BRWD1: variants seen among roughly 807,000 people sequenced by gnomAD.
The protein encoded by BRWD1 is bromodomain and WD repeat domain containing 1.
BRWD1 carries 82 observed loss-of-function variants against 251.2 expected under a neutral mutation model. That is an observed-to-expected ratio of 0.33 (90% confidence interval 0.27 to 0.39). The LOEUF is 0.39. Among genes scored for constraint, BRWD1 ranks in the 10% least tolerant of loss-of-function variants. The probability of loss-of-function intolerance (pLI) is 1.00; values close to 1 mark genes in which losing one functional copy is unlikely to be tolerated. For missense variants in BRWD1, 2,233 were observed against 2,711.6 expected, an observed-to-expected ratio of 0.82 and a Z score of 3.92; for synonymous variants, 918 against 902.8, an observed-to-expected ratio of 1.02 and a Z score of -0.30.
chr21:39,227,603 G>A (rs4816618), intron 27 of BRWD1, among the ~76,000 whole-genome samples: 71,946 of 151,796 alleles, frequency 0.47, 17,209 homozygotes, highest in Admixed American at 0.54. Context: ...AAATTACATT[G>A]AGGTAATTTT....
chr21:39,252,850 TAAAG>T (rs532010148), intron 19 of BRWD1, among the ~76,000 whole-genome samples: 236 of 152,350 alleles, frequency 1.5e-3, no homozygotes, highest in Non-Finnish European at 2.7e-3. Flanking sequence ...CATGGCTACT[TAAAG>T]TAAGTTCCTT....
chr21:39,264,540 G>C lies in BRWD1; in HGVS notation c.1805C>G (p.Thr602Ser). 1.9e-6 allele frequency: 3 copies of C among 1,613,308 alleles called. No individual in the cohort carries two copies. The highest frequency in any genetic ancestry group is 1.7e-6 in the Non-Finnish European group (2 of 1,179,774). The stretch of plus-strand genomic sequence containing the variant: ...GCCTGGTACTAATCTCTGATACTTG[G>C]TTGGATGAGGATTTCCATCTACATC... ...LVDVDGNPHP[T>S]KYQRLVPGRE... Residue 602 changes from threonine (T) to serine (S), a missense_variant, in exon 17 of 41, where the codon ACC becomes AGC. Transcript: ENST00000342449.
Position 39,312,906 on chromosome 21 carries a change from A to C in BRWD1, c.139-6T>G. The C allele has an allele frequency of 1.4e-6, 2 of 1,479,194 alleles. No individual in the cohort carries two copies. Among genetic ancestry groups the C allele is most frequent in the African/African-American group, 3.2e-5 (2 of 62,666 alleles). 91.6% of individuals were successfully genotyped at this position (1,479,194 alleles called of 1,614,324 possible). On this transcript the variant is annotated splice_polypyrimidine_tract_variant and splice_region_variant and intron_variant, in intron 3 of 40. Transcript: ENST00000342449. ...TCCAATCTCTTCGGCAACAACTGGA[A>C]AGACACGAAACGCACACGAGTGACC...
Position 39,238,530 on chromosome 21 carries a change from T to G in BRWD1, c.2525A>C (p.Glu842Ala), listed in dbSNP as rs762056540. The change falls in exon 22 of 41, where the codon GAG (glutamate) becomes GCG (alanine). Residue 842 changes from glutamate (E) to alanine (A), a missense_variant. Transcript: ENST00000342449. ...TTTTCTGTCACTTCTCCATTCATCC[T>G]CTTCTGAAGAACCAGAACCTTCACT... ...DQSEGSGSSEEDEWRSDRKSE... is the reference protein window; with the variant it reads ...DQSEGSGSSEADEWRSDRKSE... 1.2e-6 allele frequency: 2 copies of G among 1,613,770 alleles called. No individual in the cohort carries two copies. The highest frequency in any genetic ancestry group is 2.7e-5 in the African/African-American group (2 of 75,040).
At chr21:39,227,417 A>G (rs2033426852) in intron 27 of BRWD1, among the ~76,000 whole-genome samples, 1 of 152,056 alleles carries the variant, frequency 6.6e-6, no homozygotes, top group African/African-American at 2.4e-5. Flanking sequence ...TGCTATTACT[A>G]CCCAGCCTAA....
chr21:39,233,973 T>C (rs528400459), intron 23 of BRWD1, among the ~76,000 whole-genome samples: 9 of 152,278 alleles, frequency 5.9e-5, no homozygotes, highest in South Asian at 2.1e-4. Context: ...TGAGCCGAGA[T>C]TGCCCCACTG....
At chr21:39,317,500 A>T (rs534874925), upstream of BRWD1, among the ~76,000 whole-genome samples, 1 of 152,380 alleles carries the variant, frequency 6.6e-6, no homozygotes, top group East Asian at 1.9e-4. Context: ...CCAAGGGCAT[A>T]TAGCTGGTAA....
At chr21:39,206,373 C>T in intron 36 of BRWD1, 99 bp from the exon 37 acceptor site, 1 of 902,990 alleles carries the variant, frequency 1.1e-6, no homozygotes, top group East Asian at 2.7e-5. Context: ...TATTATATCA[C>T]TGCTTATAGG....
intron 27 of BRWD1, 50 bp downstream of exon 27, chr21:39,228,450 A>G: frequency 7.7e-7 from 1 of 1,302,512 alleles, no homozygotes; most frequent in Non-Finnish European, 1.1e-6. Context: ...TAGACCAATA[A>G]AACAGATTAA....
chr21:39,318,978 T>C (rs1376416393), intron 1 of BRWD1, among the ~76,000 whole-genome samples: 1 of 152,174 alleles, frequency 6.6e-6, no homozygotes, highest in Non-Finnish European at 1.5e-5. Flanking sequence ...CTCACTGCAT[T>C]GCCTGGCCTT....
At chr21:39,235,553 T>C (rs1023784237) in intron 23 of BRWD1, 15 of 203,174 alleles carry the variant, frequency 7.4e-5, no homozygotes, top group African/African-American at 1.2e-4. Context: ...GATGGTCCAG[T>C]GTTTGGAGAA....
At chr21:39,264,334 A>T in intron 17 of BRWD1, 126 bp downstream of exon 17, 2 of 658,786 alleles carry the variant, frequency 3.0e-6, no homozygotes, top group South Asian at 4.8e-5. Context: ...ACAGAAAAAA[A>T]ATAATAAAAC....
chr21:39,275,370 CAT>C (rs2035247670), intron 12 of BRWD1, among the ~76,000 whole-genome samples: 1 of 152,028 alleles, frequency 6.6e-6, no homozygotes, highest in Non-Finnish European at 1.5e-5. Flanking sequence ...GATCCTTACA[CAT>C]AATTTTTTCA....
chr21:39,283,193 G>C (rs193056896), intron 8 of BRWD1, among the ~76,000 whole-genome samples: 1 of 151,806 alleles, frequency 6.6e-6, no homozygotes, highest in East Asian at 1.9e-4. Context: ...CGCTGTCCGT[G>C]CTTATATAAT....
intron 38 of BRWD1, 146 bp downstream of exon 38, chr21:39,202,179 T>C: frequency 1.8e-6 from 1 of 555,560 alleles, no homozygotes; most frequent in East Asian, 2.8e-5. Flanking sequence ...TTGTTCCATG[T>C]TTATTATGTT....
intron 11 of BRWD1, among the ~76,000 whole-genome samples, chr21:39,276,518 T>G (rs545189430): frequency 6.6e-6 from 1 of 152,288 alleles, no homozygotes; most frequent in East Asian, 1.9e-4. Flanking sequence ...GGAAGTGAAA[T>G]GTGTGGAAAG....
intron 37 of BRWD1, among the ~76,000 whole-genome samples, chr21:39,203,834 G>A (rs892959962): frequency 2.7e-5 from 4 of 148,842 alleles, no homozygotes; most frequent in African/African-American, 5.0e-5. Flanking sequence ...TTTAAATGCC[G>A]TTAATAATCA....
chr21:39,296,764 T>G, intron 5 of BRWD1: 1 of 936,644 alleles, frequency 1.1e-6, no homozygotes, highest in Non-Finnish European at 1.3e-6. Context: ...ACCAGATCTT[T>G]TGACTCCAAG....
At chr21:39,250,131 G>A (rs1281346809) in intron 20 of BRWD1, among the ~76,000 whole-genome samples, 2 of 152,008 alleles carry the variant, frequency 1.3e-5, no homozygotes, top group Admixed American at 1.3e-4. Context: ...TTGGCTGTTA[G>A]CCCAAAAGGC....
Sources: gnomAD v4.1 joint callset for allele counts (sites outside exome capture counted in the v4.1 genomes callset) on GRCh38, gnomAD v4.1.1 for gene constraint, MANE v1.5 for transcripts, NCBI Gene and HGNC (gene_info 2026-07-23, HGNC 2026-07-21) for gene names.